WDFY1: variants seen among roughly 807,000 people sequenced by gnomAD.
The protein encoded by WDFY1 is WD repeat and FYVE domain containing 1, also known as WD repeat and FYVE domain-containing protein 1.
A neutral mutation model predicts 56.4 loss-of-function variants in WDFY1; 32 were observed. That is an observed-to-expected ratio of 0.57 (90% CI 0.43 to 0.76). WDFY1 has a LOEUF of 0.76. WDFY1 is among the 30% of genes least tolerant of loss of function. WDFY1 has a pLI of 0.00. For missense variants in WDFY1, 480 were observed against 545.7 expected, an observed-to-expected ratio of 0.88 and a Z score of 1.20; for synonymous variants, 192 against 197.3, an observed-to-expected ratio of 0.97 and a Z score of 0.23.
chr2:223,875,678 TAAC>T lies in WDFY1; in HGVS notation c.*2990_*2992del. 1 of 152,366 alleles carries T rather than the reference TAAC, an allele frequency of 6.6e-6. No homozygotes were observed. The highest frequency in any genetic ancestry group is 2.4e-5 in the African/African-American group (1 of 41,586). 9.4% of individuals were successfully genotyped at this position (152,366 alleles called of 1,614,324 possible). A position where few individuals can be genotyped will look rare whatever the true frequency, so the allele number is the denominator to read the frequency against. On this transcript the variant is annotated 3_prime_UTR_variant, in exon 12 of 12. Transcript: ENST00000233055. ...GGCATTCAATAAATCTGCTCACAAT[TAAC>T]AATTAAGCAATAGACACTTGAATAA...
intron 5 of WDFY1, chr2:223,899,366 G>A (rs1693461766): frequency 1.5e-5 from 4 of 271,922 alleles, no homozygotes; most frequent in African/African-American, 4.4e-5. Flanking sequence ...CCCAGGAACT[G>A]GCAATAAAAA....
At chr2:223,936,874 C>G (rs543307447) in intron 1 of WDFY1, among the ~76,000 whole-genome samples, 7 of 152,312 alleles carry the variant, frequency 4.6e-5, no homozygotes, top group African/African-American at 1.7e-4. Flanking sequence ...ATATTTCACA[C>G]ATGTTGTCTT....
At chr2:223,881,682 G>A in intron 10 of WDFY1, among the ~76,000 whole-genome samples, 1 of 152,166 alleles carries the variant, frequency 6.6e-6, no homozygotes, top group East Asian at 1.9e-4. Flanking sequence ...CAGCTACTCG[G>A]GTGGCTGAGG....
At chr2:223,918,190 T>C (rs1693822525) in intron 1 of WDFY1, among the ~76,000 whole-genome samples, 180 bp from the exon 2 acceptor site, 1 of 151,810 alleles carries the variant, frequency 6.6e-6, no homozygotes, top group South Asian at 2.1e-4. Flanking sequence ...GTATATAACA[T>C]ATATATTATA....
intron 11 of WDFY1, among the ~76,000 whole-genome samples, chr2:223,879,093 G>A (rs999293035): frequency 6.6e-6 from 1 of 152,198 alleles, no homozygotes. Flanking sequence ...AGGCTGAGGT[G>A]GGAGGATCAC....
intron 8 of WDFY1, among the ~76,000 whole-genome samples, chr2:223,893,032 A>G (rs114732630): frequency 7.8e-4 from 119 of 152,356 alleles, no homozygotes; most frequent in African/African-American, 2.7e-3. Context: ...AAAGAAAGAT[A>G]ATGACAGTAC....
intron 1 of WDFY1, 48 bp from the exon 2 acceptor site, chr2:223,918,058 T>C: frequency 6.3e-7 from 1 of 1,587,402 alleles, no homozygotes; most frequent in Non-Finnish European, 8.6e-7. Flanking sequence ...AGTAATTTTA[T>C]CTTTTGTGTT....
chr2:223,942,872 G>A (rs1352442242), intron 1 of WDFY1, among the ~76,000 whole-genome samples: 6 of 150,600 alleles, frequency 4.0e-5, no homozygotes, highest in Admixed American at 1.3e-4. Context: ...CTGCATCTAC[G>A]TTCACATCAT....
intron 1 of WDFY1, among the ~76,000 whole-genome samples, chr2:223,927,923 G>A (rs1694013087): frequency 6.6e-6 from 1 of 152,094 alleles, no homozygotes; most frequent in Non-Finnish European, 1.5e-5. Flanking sequence ...GGCCTGGGGG[G>A]AAAGGGGGAA....
intron 4 of WDFY1, among the ~76,000 whole-genome samples, chr2:223,904,344 C>A (rs766436722): frequency 6.6e-6 from 1 of 152,156 alleles, no homozygotes. Context: ...CTCCGCCTCC[C>A]GGGTTCAAGC....
chr2:223,918,630 CAA>C (rs34949257), intron 1 of WDFY1, among the ~76,000 whole-genome samples: 4,400 of 137,670 alleles, frequency 0.032, 83 homozygotes, highest in Non-Finnish European at 0.053. Flanking sequence ...GACTCTGTCT[CAA>C]AAAAAAAAAA....
At chr2:223,929,126 A>T (rs186831654) in intron 1 of WDFY1, among the ~76,000 whole-genome samples, 350 of 150,666 alleles carry the variant, frequency 2.3e-3, no homozygotes, top group Non-Finnish European at 3.9e-3. Flanking sequence ...AAGGCAATAA[A>T]CTGTGCCTCT....
intron 6 of WDFY1, among the ~76,000 whole-genome samples, chr2:223,896,329 C>CAA (rs1693376263): frequency 1.6e-5 from 1 of 60,998 alleles, no homozygotes. Flanking sequence ...TTACTGTGTC[C>CAA]AACCTACACA....
chr2:223,938,553 C>G (rs1447954896), intron 1 of WDFY1, among the ~76,000 whole-genome samples: 4 of 152,178 alleles, frequency 2.6e-5, no homozygotes, highest in Non-Finnish European at 5.9e-5. Flanking sequence ...CAGCAAAATA[C>G]TAATGACTTC....
At chr2:223,934,465 C>T (rs74950653) in intron 1 of WDFY1, among the ~76,000 whole-genome samples, 1 of 152,274 alleles carries the variant, frequency 6.6e-6, no homozygotes, top group Non-Finnish European at 1.5e-5. Flanking sequence ...ATCAAACTAA[C>T]ACTTGAGACA....
chr2:223,894,193 G>A (rs766496332), intron 8 of WDFY1, 41 bp downstream of exon 8: 16 of 1,607,894 alleles, frequency 1.0e-5, no homozygotes, highest in Admixed American at 3.3e-5. Context: ...AGGTTCCTGG[G>A]GGTCTCCCCC....
chr2:223,900,735 A>G (rs1693493844), intron 5 of WDFY1: 1 of 157,812 alleles, frequency 6.3e-6, no homozygotes, highest in African/African-American at 2.4e-5. Flanking sequence ...CAGTACATAT[A>G]CTTACAGAGT....
At chr2:223,893,318 A>T in intron 8 of WDFY1, among the ~76,000 whole-genome samples, 1 of 151,168 alleles carries the variant, frequency 6.6e-6, no homozygotes, top group East Asian at 1.9e-4. Flanking sequence ...GGAGTTTGAG[A>T]CCAGCCTAGA....
At chr2:223,894,734 C>T (rs767393) in intron 7 of WDFY1, among the ~76,000 whole-genome samples, 3,365 of 152,248 alleles carry the variant, frequency 0.022, 136 homozygotes, top group African/African-American at 0.077. Context: ...TCAAACACCA[C>T]AAAGATCACT....
Sources: gnomAD v4.1 joint callset for allele counts (sites outside exome capture counted in the v4.1 genomes callset) on GRCh38, gnomAD v4.1.1 for gene constraint, MANE v1.5 for transcripts, NCBI Gene and HGNC (gene_info 2026-07-23, HGNC 2026-07-21) for gene names.